Variants in TMCC1 observed in about 807,000 individuals in gnomAD.
TMCC1 encodes the protein transmembrane and coiled-coil domains protein 1.
A neutral mutation model predicts 52.4 loss-of-function variants in TMCC1; 15 were observed. That is an observed-to-expected ratio of 0.29 (90% CI 0.19 to 0.44). The LOEUF (loss-of-function observed/expected upper bound fraction) is 0.44, where lower values mean the gene tolerates loss of function less well. Ranked by LOEUF, TMCC1 falls within the 20% of genes least tolerant of loss-of-function variation. The pLI is 1.00. For synonymous variants in TMCC1, 279 were observed against 301.9 expected (o/e 0.92, Z 0.79); for missense variants, 503 against 806.0 (o/e 0.62, Z 4.55).
chr3:129,749,319 C>T (rs923888688), intron 4 of TMCC1, among the ~76,000 whole-genome samples: 4 of 152,006 alleles, frequency 2.6e-5, no homozygotes, highest in Admixed American at 2.6e-4. Context: ...CAGAACCAGT[C>T]CACTACTTAT....
chr3:129,699,826 G>C (rs1181007122), intron 4 of TMCC1, among the ~76,000 whole-genome samples: 1 of 152,086 alleles, frequency 6.6e-6, no homozygotes, highest in Non-Finnish European at 1.5e-5. Context: ...CAGCTACTTG[G>C]GGAGGCTTAA....
rs1333457293 is a variant in TMCC1 at position 129,648,413 on chromosome 3, C to T, written c.*3068G>A. On this transcript the variant is annotated 3_prime_UTR_variant, in exon 7 of 7. Transcript: ENST00000393238. The stretch of plus-strand genomic sequence containing the variant: ...ATTCAGAACAGGGGAGAGAGAAGAC[C>T]CTAGTCAGTGAAGTATAAAATTTAA... 6.6e-6 allele frequency: 1 copy of T among 152,166 alleles called. No individual in the cohort carries two copies. The highest frequency in any genetic ancestry group is 1.5e-5 in the Non-Finnish European group (1 of 68,032). 9.4% of individuals were successfully genotyped at this position (152,166 alleles called of 1,614,324 possible). A position where few individuals can be genotyped will look rare whatever the true frequency, so the allele number is the denominator to read the frequency against.
rs150045484 is a variant in TMCC1, at chr3:129,856,873, C to G, written c.-184+23436G>C. Among the ~76,000 whole-genome samples, 8 of 152,136 alleles carry G rather than the reference C, an allele frequency of 5.3e-5. No individual in the cohort carries two copies. The East Asian group carries it at 1.5e-3, about 29-fold the overall frequency. ...CCTATTAACCTCAATAGGGATGGCA[C>G]CAGGTTCAAGAGGCCAAAGAAGAGA... On this transcript the variant is annotated intron_variant, in intron 2 of 6. Transcript: ENST00000393238.
intron 4 of TMCC1, among the ~76,000 whole-genome samples, chr3:129,735,947 A>G (rs2050924163): frequency 6.6e-6 from 1 of 152,224 alleles, no homozygotes; most frequent in Non-Finnish European, 1.5e-5. Context: ...CTCCTGGAAC[A>G]TCAGAGAAAG....
At chr3:129,872,556 G>A (rs1357009107) in intron 2 of TMCC1, among the ~76,000 whole-genome samples, 1 of 152,164 alleles carries the variant, frequency 6.6e-6, no homozygotes, top group Non-Finnish European at 1.5e-5. Flanking sequence ...TCCTTCCCAT[G>A]TAAAATGACA....
chr3:129,831,368 A>C (rs762339579), intron 3 of TMCC1, among the ~76,000 whole-genome samples: 3 of 152,192 alleles, frequency 2.0e-5, no homozygotes, highest in Non-Finnish European at 2.9e-5. Flanking sequence ...ATAAGCAACA[A>C]AACAGTAATA....
chr3:129,883,814 G>C (rs2061573399), intron 1 of TMCC1, among the ~76,000 whole-genome samples: 1 of 151,674 alleles, frequency 6.6e-6, no homozygotes, highest in African/African-American at 2.4e-5. Flanking sequence ...CCAACATGGT[G>C]AAACAAGATG....
chr3:129,720,449 T>A (rs183651204), intron 4 of TMCC1, among the ~76,000 whole-genome samples: 19 of 152,296 alleles, frequency 1.2e-4, no homozygotes, highest in Middle Eastern at 6.8e-3. Flanking sequence ...AAAATCCTTG[T>A]AGGTTGTCTA....
At chr3:129,744,765 T>G (rs778304571) in intron 4 of TMCC1, among the ~76,000 whole-genome samples, 4 of 152,158 alleles carry the variant, frequency 2.6e-5, no homozygotes, top group Non-Finnish European at 5.9e-5. Flanking sequence ...GCAGTTATAA[T>G]TACTACCACC....
At chr3:129,887,137 T>C (rs1463514615) in intron 1 of TMCC1, among the ~76,000 whole-genome samples, 2 of 152,104 alleles carry the variant, frequency 1.3e-5, no homozygotes, top group Non-Finnish European at 2.9e-5. Flanking sequence ...CGGTGGTGGC[T>C]GCACATGTTA....
chr3:129,741,338 C>T (rs1242224498), intron 4 of TMCC1, among the ~76,000 whole-genome samples: 1 of 152,020 alleles, frequency 6.6e-6, no homozygotes, highest in African/African-American at 2.4e-5. Flanking sequence ...TATAATAATC[C>T]CTTCTACCTG....
At chr3:129,840,921 C>A (rs973437565) in intron 2 of TMCC1, among the ~76,000 whole-genome samples, 3 of 151,980 alleles carry the variant, frequency 2.0e-5, no homozygotes, top group Non-Finnish European at 2.9e-5. Context: ...ACTATAGATA[C>A]CAGAAAATGT....
At chr3:129,688,821 C>T (rs970898366) in intron 4 of TMCC1, 1 of 872,300 alleles carries the variant, frequency 1.1e-6, no homozygotes, top group South Asian at 5.2e-5. Flanking sequence ...GACAAAAGCA[C>T]CACACTGGTT....
At chr3:129,659,864 G>A (rs2086907244) in intron 5 of TMCC1, among the ~76,000 whole-genome samples, 1 of 152,168 alleles carries the variant, frequency 6.6e-6, no homozygotes, top group Non-Finnish European at 1.5e-5. Context: ...TCGCTAGCTT[G>A]GGTGATCCTT....
intron 5 of TMCC1, among the ~76,000 whole-genome samples, chr3:129,668,196 T>C (rs1306966066): frequency 2.0e-5 from 3 of 152,080 alleles, no homozygotes; most frequent in South Asian, 2.1e-4. Flanking sequence ...TCAAAACCAA[T>C]GTAAAACAAA....
intron 4 of TMCC1, among the ~76,000 whole-genome samples, chr3:129,684,098 C>T (rs2089222897): frequency 6.6e-6 from 1 of 152,168 alleles, no homozygotes; most frequent in African/African-American, 2.4e-5. Context: ...ATATCTATGA[C>T]AAATTGTAAA....
At chr3:129,659,654 T>C (rs2086895295) in intron 5 of TMCC1, among the ~76,000 whole-genome samples, 1 of 152,204 alleles carries the variant, frequency 6.6e-6, no homozygotes, top group South Asian at 2.1e-4. Context: ...AACCAATGTT[T>C]ATCATAAGAA....
intron 5 of TMCC1, among the ~76,000 whole-genome samples, chr3:129,658,365 T>C (rs1220909341): frequency 2.0e-5 from 3 of 152,206 alleles, no homozygotes; most frequent in Non-Finnish European, 4.4e-5. Context: ...ACCTGACCTT[T>C]CATAATATAC....
At chr3:129,751,491 C>T (rs775158135) in intron 4 of TMCC1, among the ~76,000 whole-genome samples, 3 of 152,058 alleles carry the variant, frequency 2.0e-5, no homozygotes, top group Non-Finnish European at 2.9e-5. Flanking sequence ...GATTGCACCA[C>T]TGCACTCCAG....
Sources: allele counts gnomAD v4.1 joint callset (sites outside exome capture counted in the v4.1 genomes callset), GRCh38; gene constraint gnomAD v4.1.1; transcripts MANE v1.5; gene names NCBI Gene and HGNC (gene_info 2026-07-23, HGNC 2026-07-21).